HS3ST4: variants seen among roughly 807,000 people sequenced by gnomAD.
HS3ST4 encodes the protein heparan sulfate-glucosamine 3-sulfotransferase 4.
A neutral mutation model predicts 29.2 loss-of-function variants in HS3ST4; 17 were observed. The ratio of observed to expected loss-of-function variants is 0.58; its 90% confidence interval spans 0.40 to 0.87. The LOEUF (loss-of-function observed/expected upper bound fraction) is 0.87. Ranked by LOEUF, HS3ST4 falls within the 40% of genes least tolerant of loss-of-function variation. The probability of loss-of-function intolerance (pLI) is 0.00; values close to 1 mark genes in which losing one functional copy is unlikely to be tolerated. For synonymous variants in HS3ST4, 314 were observed against 285.7 expected (o/e 1.10, Z -1.00); for missense variants, 627 against 634.5 (o/e 0.99, Z 0.13).
At chr16:26,123,721 G>C (rs757085927) in intron 1 of HS3ST4, among the ~76,000 whole-genome samples, 4 of 152,032 alleles carry the variant, frequency 2.6e-5, no homozygotes, top group Non-Finnish European at 5.9e-5. Flanking sequence ...TTATGGCTTT[G>C]CACCTTCATA....
At position 25,692,850 on chromosome 16, in the gene HS3ST4, G is replaced by C; in HGVS notation, c.433G>C (p.Ala145Pro). The part of the protein sequence containing the change: ...AQDAWLRTPL[A>P]PSEMITAQSA... ...GGACGCCTGGCTCCGGACCCCGCTG[G>C]CCCCCAGCGAGATGATCACGGCTCA... The change falls in exon 1 of 2, where the codon GCC (alanine) becomes CCC (proline). Residue 145 changes from alanine (A) to proline (P), a missense_variant. Transcript: ENST00000331351. The C allele has an allele frequency of 2.1e-6, 3 of 1,456,418 alleles. No homozygotes were observed. Among genetic ancestry groups the C allele is most frequent in the Non-Finnish European group, 2.7e-6 (3 of 1,105,646 alleles). The allele number at this position is 1,456,418 out of a possible 1,614,324, so 90.2% of individuals were successfully genotyped here. A position where few individuals can be genotyped will look rare whatever the true frequency, so the allele number is the denominator to read the frequency against.
At chr16:25,780,944 A>G (rs1326671567) in intron 1 of HS3ST4, among the ~76,000 whole-genome samples, 1 of 152,114 alleles carries the variant, frequency 6.6e-6, no homozygotes, top group Admixed American at 6.5e-5. Flanking sequence ...ACTTACCGGT[A>G]CCTATTCAGT....
chr16:25,858,260 C>T (rs1325533580), intron 1 of HS3ST4, among the ~76,000 whole-genome samples: 1 of 151,992 alleles, frequency 6.6e-6, no homozygotes, highest in East Asian at 1.9e-4. Flanking sequence ...TATATAATTT[C>T]ACACACACAT....
intron 1 of HS3ST4, among the ~76,000 whole-genome samples, chr16:25,730,225 G>A (rs951691823): frequency 6.6e-6 from 1 of 152,126 alleles, no homozygotes; most frequent in Non-Finnish European, 1.5e-5. Context: ...CAAGGCTCTT[G>A]TATAGGTGAC....
At chr16:26,010,471 G>C (rs1251631317) in intron 1 of HS3ST4, among the ~76,000 whole-genome samples, 1 of 148,922 alleles carries the variant, frequency 6.7e-6, no homozygotes, top group Non-Finnish European at 1.5e-5. Flanking sequence ...GAAAAAAAAG[G>C]AAAAAGAAAA....
intron 1 of HS3ST4, among the ~76,000 whole-genome samples, chr16:25,884,611 G>T (rs1350136511): frequency 6.6e-6 from 1 of 152,142 alleles, no homozygotes; most frequent in Non-Finnish European, 1.5e-5. Context: ...TATTTCCCAG[G>T]CTGGAGTGCA....
At chr16:26,017,918 A>T (rs1042977876) in intron 1 of HS3ST4, among the ~76,000 whole-genome samples, 1 of 152,196 alleles carries the variant, frequency 6.6e-6, no homozygotes, top group African/African-American at 2.4e-5. Flanking sequence ...TACAGGGCAG[A>T]GAGGAACTTC....
intron 1 of HS3ST4, among the ~76,000 whole-genome samples, chr16:25,764,465 A>G (rs1368259353): frequency 6.6e-6 from 1 of 152,182 alleles, no homozygotes; most frequent in Admixed American, 6.5e-5. Flanking sequence ...GTGTGTGTGT[A>G]CATGTGTGTG....
At chr16:25,881,473 C>T (rs1967895717) in intron 1 of HS3ST4, among the ~76,000 whole-genome samples, 1 of 152,084 alleles carries the variant, frequency 6.6e-6, no homozygotes, top group African/African-American at 2.4e-5. Flanking sequence ...TAAAATCCTT[C>T]GATACCAGAC....
intron 1 of HS3ST4, among the ~76,000 whole-genome samples, chr16:25,832,575 A>G (rs185014270): frequency 5.3e-4 from 81 of 152,366 alleles, no homozygotes; most frequent in Middle Eastern, 3.4e-3. Context: ...AAGGTGCTGT[A>G]TATTTATGAA....
At chr16:25,795,951 T>G (rs566469821) in intron 1 of HS3ST4, among the ~76,000 whole-genome samples, 1 of 152,266 alleles carries the variant, frequency 6.6e-6, no homozygotes, top group East Asian at 1.9e-4. Flanking sequence ...ACTCTTTTTT[T>G]TTTAATCCCT....
chr16:26,007,659 C>G (rs967313623), intron 1 of HS3ST4, among the ~76,000 whole-genome samples: 3 of 152,212 alleles, frequency 2.0e-5, no homozygotes, highest in African/African-American at 7.2e-5. Context: ...CATTTCCTCC[C>G]TTCCTGATTT....
intron 1 of HS3ST4, among the ~76,000 whole-genome samples, chr16:25,798,709 G>GAAAAA (rs1036998405): frequency 1.2e-4 from 19 of 152,194 alleles, no homozygotes; most frequent in Non-Finnish European, 1.9e-4. Flanking sequence ...TAAGGCAGGA[G>GAAAAA]AAAAATCGGA....
At chr16:25,867,512 A>G (rs1372254244) in intron 1 of HS3ST4, among the ~76,000 whole-genome samples, 1 of 152,144 alleles carries the variant, frequency 6.6e-6, no homozygotes, top group Non-Finnish European at 1.5e-5. Context: ...TCCTGCTGCA[A>G]TGCCATCCAT....
At chr16:25,787,969 A>G (rs1966860072) in intron 1 of HS3ST4, among the ~76,000 whole-genome samples, 1 of 152,164 alleles carries the variant, frequency 6.6e-6, no homozygotes, top group Non-Finnish European at 1.5e-5. Flanking sequence ...ATAGAATGTT[A>G]AAGCTGGAAG....
rs561104767 is a variant in HS3ST4 at position 25,881,637 on chromosome 16, C to T, written c.734+188486C>T. ...GAGGGCTCCTGCAGTCTCTTATCAT[C>T]GTGGGGCTCTTATCAGAAGGATTTG... On this transcript the variant is annotated intron_variant, in intron 1 of 1. Transcript: ENST00000331351. Among the ~76,000 whole-genome samples, 11 of 152,156 alleles carry T rather than the reference C, an allele frequency of 7.2e-5. No individual in the cohort carries two copies. In the South Asian group the frequency reaches 8.3e-4, roughly 11 times the overall value.
At chr16:25,939,982 G>A (rs1036855356) in intron 1 of HS3ST4, among the ~76,000 whole-genome samples, 1 of 152,126 alleles carries the variant, frequency 6.6e-6, no homozygotes, top group Non-Finnish European at 1.5e-5. Flanking sequence ...TACGTGGGAT[G>A]GTAGGTAGGT....
chr16:26,094,111 G>A (rs369829320), intron 1 of HS3ST4, among the ~76,000 whole-genome samples: 4 of 152,142 alleles, frequency 2.6e-5, no homozygotes, highest in Non-Finnish European at 4.4e-5. Context: ...ATATGGGACT[G>A]TGTGAAAAGA....
At chr16:25,856,440 A>G (rs557981695) in intron 1 of HS3ST4, among the ~76,000 whole-genome samples, 2 of 152,272 alleles carry the variant, frequency 1.3e-5, no homozygotes, top group South Asian at 2.1e-4. Flanking sequence ...AGAAACCTGC[A>G]TAACAAAATC....
Sources: allele counts gnomAD v4.1 joint callset (sites outside exome capture counted in the v4.1 genomes callset), GRCh38; gene constraint gnomAD v4.1.1; transcripts MANE v1.5; gene names NCBI Gene and HGNC (gene_info 2026-07-23, HGNC 2026-07-21).